Variants in JMJD1C observed in about 807,000 individuals in gnomAD.
JMJD1C encodes the protein jumonji domain-containing protein 1C.
JMJD1C carries 31 observed loss-of-function variants against 245.3 expected under a neutral mutation model. The ratio of observed to expected loss-of-function variants is 0.13; its 90% CI spans 0.09 to 0.17. The LOEUF (loss-of-function observed/expected upper bound fraction) is 0.17. JMJD1C is among the 10% of genes least tolerant of loss of function. The pLI is 1.00. For missense variants in JMJD1C, 2,691 were observed against 3,000.2 expected (o/e 0.90, Z 2.41); for synonymous variants, 1,057 against 1,017.4 (o/e 1.04, Z -0.74).
chr10:63,201,807 G>A (rs969607203), intron 10 of JMJD1C, among the ~76,000 whole-genome samples: 6 of 151,922 alleles, frequency 3.9e-5, no homozygotes, highest in Non-Finnish European at 8.8e-5. Context: ...GCGCATACCT[G>A]TAGTCCCAGC....
intron 3 of JMJD1C, among the ~76,000 whole-genome samples, chr10:63,258,424 T>C (rs1225319429): frequency 1.3e-5 from 2 of 152,232 alleles, no homozygotes; most frequent in Non-Finnish European, 2.9e-5. Context: ...GATAATTTTG[T>C]TACTCTCCTG....
chr10:63,399,075 A>C (rs987281497), intron 1 of JMJD1C, among the ~76,000 whole-genome samples: 7 of 152,196 alleles, frequency 4.6e-5, no homozygotes, highest in African/African-American at 1.7e-4. Context: ...ACTTCCCTGA[A>C]CAGTAAACAA....
chr10:63,180,208 C>T (rs1843310545), intron 22 of JMJD1C, among the ~76,000 whole-genome samples: 1 of 152,092 alleles, frequency 6.6e-6, no homozygotes, highest in South Asian at 2.1e-4. Context: ...TGGGGTTTCA[C>T]TATATGTTGG....
In JMJD1C at chr10:63,208,120, A is replaced by G. The variant is rs772554815; in HGVS notation, c.3549T>C (p.Cys1183=). The change falls in exon 10 of 26, where the codon TGT becomes TGC. Residue 1183 remains cysteine (C), a synonymous_variant. Transcript: ENST00000399262. ...SHSVTTFRND[C]RSPTHLTVSS... ...AAACTGTCAAATGGGTAGGACTCCT[A>G]CAATCATTTCTGAAGGTTGTTACTG... The G allele has an allele frequency of 1.4e-5, 23 of 1,614,048 alleles. No individual in the cohort carries two copies. Among genetic ancestry groups the G allele is most frequent in the Non-Finnish European group, 1.5e-5 (18 of 1,180,022 alleles).
At chr10:63,314,626 TTTG>T (rs1318266769) in intron 2 of JMJD1C, among the ~76,000 whole-genome samples, 2 of 152,106 alleles carry the variant, frequency 1.3e-5, no homozygotes, top group African/African-American at 2.4e-5. Context: ...GATTCAAAGT[TTTG>T]TTTTTTTTTT....
chr10:63,235,509 G>GA (rs1346918161), intron 3 of JMJD1C, among the ~76,000 whole-genome samples: 1 of 152,012 alleles, frequency 6.6e-6, no homozygotes, highest in Non-Finnish European at 1.5e-5. Context: ...AAAAAAGAAA[G>GA]AAAGAAAGAA....
At chr10:63,399,807 A>G (rs1349675193) in intron 1 of JMJD1C, among the ~76,000 whole-genome samples, 1 of 151,312 alleles carries the variant, frequency 6.6e-6, no homozygotes, top group Admixed American at 6.6e-5. Flanking sequence ...TTCTTTTGGG[A>G]TTATGTAAAA....
Position 63,372,633 on chromosome 10 carries a change from T to C in JMJD1C, c.333+7685A>G, listed in dbSNP as rs548343790. On this transcript the variant is annotated intron_variant, in intron 2 of 25. Coordinates refer to ENST00000399262, the MANE Select transcript of JMJD1C (RefSeq NM_032776.3). ...GTAGGGTTCTTTTTCACTAGCTGGG[T>C]TGCAGCACATTCATCACTTTAAAAT... Among the ~76,000 whole-genome samples, 14 of 152,292 alleles carry C rather than the reference T, an allele frequency of 9.2e-5. No homozygotes were observed. The Middle Eastern group carries it at 0.014, about 148-fold the overall frequency.
intron 2 of JMJD1C, among the ~76,000 whole-genome samples, chr10:63,376,346 G>A (rs979961107): frequency 6.6e-6 from 1 of 152,132 alleles, no homozygotes; most frequent in Non-Finnish European, 1.5e-5. Context: ...AAGGGGAAAA[G>A]CTTCATGACA....
intron 1 of JMJD1C, among the ~76,000 whole-genome samples, chr10:63,486,210 A>C (rs1486756740): frequency 2.7e-5 from 4 of 150,820 alleles, no homozygotes; most frequent in Non-Finnish European, 4.4e-5. Flanking sequence ...CATGTGAGGA[A>C]GTTTGAGAAA....
intron 2 of JMJD1C, among the ~76,000 whole-genome samples, chr10:63,288,945 TTTTA>T (rs1589393638): frequency 6.7e-5 from 10 of 149,340 alleles, no homozygotes; most frequent in South Asian, 6.3e-4. Flanking sequence ...AATCTGTATA[TTTTA>T]TTTAAGTCTT....
chr10:63,224,074 A>T (rs1848959800), intron 3 of JMJD1C, among the ~76,000 whole-genome samples: 1 of 152,214 alleles, frequency 6.6e-6, no homozygotes, highest in South Asian at 2.1e-4. Context: ...ACAGGTTAAA[A>T]TAATGGGCTC....
intron 3 of JMJD1C, among the ~76,000 whole-genome samples, chr10:63,233,428 A>G (rs1850258093): frequency 6.6e-6 from 1 of 152,184 alleles, no homozygotes; most frequent in Non-Finnish European, 1.5e-5. Context: ...CTTCATGTCT[A>G]ACAACACCCA....
intron 10 of JMJD1C, chr10:63,202,265 A>T: frequency 1.0e-6 from 1 of 979,744 alleles, no homozygotes; most frequent in Non-Finnish European, 1.2e-6. Flanking sequence ...AAATATATAT[A>T]AATAAAAGCA....
intron 1 of JMJD1C, among the ~76,000 whole-genome samples, chr10:63,439,113 G>C (rs1042474780): frequency 6.6e-6 from 1 of 152,082 alleles, no homozygotes; most frequent in African/African-American, 2.4e-5. Context: ...TCCAACACCT[G>C]TCAAAGACTA....
chr10:63,335,891 C>A (rs762725975), intron 2 of JMJD1C, among the ~76,000 whole-genome samples: 4 of 151,574 alleles, frequency 2.6e-5, no homozygotes, highest in Non-Finnish European at 5.9e-5. Context: ...GAGGCCAACA[C>A]AGACAGATCA....
At chr10:63,274,994 G>C (rs34662842) in intron 2 of JMJD1C, among the ~76,000 whole-genome samples, 1 of 151,912 alleles carries the variant, frequency 6.6e-6, no homozygotes, top group African/African-American at 2.4e-5. Flanking sequence ...CAGGGAGTAG[G>C]AGACCAGCCT....
Position 63,209,209 on chromosome 10 carries a change from C to G in JMJD1C, c.2721G>C (p.Gln907His), listed in dbSNP as rs749582418. ...CATCTGCTGAGGTCACAGGGGTGGG[C>G]TGATGTAGCCAAGGACTGGGAGAAT... ...RRNSPSPWLH[Q>H]PTPVTSADGI... Residue 907 changes from glutamine (Q) to histidine (H), a missense_variant, in exon 9 of 26, where the codon CAG becomes CAC. Physicochemically the swap from Gln to His is conservative, Grantham distance 24. Around this residue, in one of 9 missense-constraint regions of JMJD1C, gnomAD observed 1,562 missense variants for 1,490.7 expected, o/e 1.05. Transcript: ENST00000399262. 9.9e-6 allele frequency: 16 copies of G among 1,610,918 alleles called. No homozygotes were observed. The highest frequency in any genetic ancestry group is 1.1e-5 in the Non-Finnish European group (13 of 1,178,728).
chr10:63,375,163 A>C (rs1189026666), intron 2 of JMJD1C, among the ~76,000 whole-genome samples: 1 of 150,862 alleles, frequency 6.6e-6, no homozygotes, highest in African/African-American at 2.4e-5. Flanking sequence ...CAGGATATGA[A>C]ATCAACACAT....
Sources: allele counts gnomAD v4.1 joint callset (sites outside exome capture counted in the v4.1 genomes callset), GRCh38; gene constraint gnomAD v4.1.1; regional missense constraint gnomAD v4.1.1; transcripts MANE v1.5; gene names NCBI Gene and HGNC (gene_info 2026-07-23, HGNC 2026-07-21).